PDE9A: variants seen among roughly 807,000 people sequenced by gnomAD.
PDE9A encodes the protein high affinity cGMP-specific 3',5'-cyclic phosphodiesterase 9A.
A neutral mutation model predicts 87.4 loss-of-function variants in PDE9A; 60 were observed. The ratio of observed to expected loss-of-function variants is 0.69; its 90% confidence interval spans 0.56 to 0.85. PDE9A has a LOEUF of 0.85. PDE9A is among the 40% of genes least tolerant of loss of function. The pLI, the probability that PDE9A is intolerant of heterozygous loss-of-function variation, is 0.00. For missense variants in PDE9A, 665 were observed against 779.0 expected (o/e 0.85, Z 1.74); for synonymous variants, 272 against 279.4 (o/e 0.97, Z 0.27).
At chr21:42,731,481 C>T (rs1418899946) in intron 4 of PDE9A, among the ~76,000 whole-genome samples, 1 of 152,236 alleles carries the variant, frequency 6.6e-6, no homozygotes, top group Admixed American at 6.5e-5. Flanking sequence ...AGGTATCTGG[C>T]ATTGAGCCTG....
At chr21:42,753,771 C>T (rs1189649016) in intron 9 of PDE9A, among the ~76,000 whole-genome samples, 1 of 149,202 alleles carries the variant, frequency 6.7e-6, no homozygotes, top group African/African-American at 2.5e-5. Context: ...GGCTGAGGCA[C>T]GAGAATCACT....
chr21:42,761,130 C>G (rs2269163), intron 13 of PDE9A, among the ~76,000 whole-genome samples: 59,508 of 152,110 alleles, frequency 0.39, 11,860 homozygotes, highest in South Asian at 0.63. Context: ...ACCCCAGGGG[C>G]TCTTTCCCAC....
At chr21:42,678,939 A>G (rs1438215886) in intron 1 of PDE9A, among the ~76,000 whole-genome samples, 2 of 152,232 alleles carry the variant, frequency 1.3e-5, no homozygotes, top group Non-Finnish European at 2.9e-5. Context: ...CCCGCTGATC[A>G]GAAGGATCCT....
At chr21:42,707,018 T>A (rs1383060618) in intron 4 of PDE9A, among the ~76,000 whole-genome samples, 2 of 152,040 alleles carry the variant, frequency 1.3e-5, no homozygotes, top group Non-Finnish European at 2.9e-5. Flanking sequence ...CTACGTCACG[T>A]TTGGTTGATC....
rs1011743376 is a variant in PDE9A at position 42,768,386 on chromosome 21, G to A, written c.1461+94G>A. The A allele has an allele frequency of 5.6e-5, 58 of 1,038,228 alleles. No homozygotes were observed. The Middle Eastern group carries it at 1.7e-3, about 30-fold the overall frequency. The allele number at this position is 1,038,228 out of a possible 1,614,324, so 64.3% of individuals were successfully genotyped here. Reference sequence around the variant, plus strand: ...TAAACGAGCACGCCTGGGTGGTCCCGCATATTCCCCGGGCTGCCGACAGTT... The same window carrying A: ...TAAACGAGCACGCCTGGGTGGTCCCACATATTCCCCGGGCTGCCGACAGTT... On this transcript the variant is annotated intron_variant, in intron 16 of 19. Transcript: ENST00000291539.
intron 4 of PDE9A, among the ~76,000 whole-genome samples, chr21:42,715,445 G>GTTATAGGA (rs1555919454): frequency 1.3e-5 from 2 of 151,884 alleles, no homozygotes; most frequent in Non-Finnish European, 2.9e-5. Flanking sequence ...TGGCCAACAT[G>GTTATAGGA]GTGAAACCCT....
chr21:42,762,407 A>T (rs2269169), intron 14 of PDE9A, among the ~76,000 whole-genome samples, 168 bp downstream of exon 14: 5 of 152,060 alleles, frequency 3.3e-5, no homozygotes, highest in South Asian at 2.1e-4. Context: ...CCCAGAGTGG[A>T]GCCCCAAAAA....
intron 4 of PDE9A, among the ~76,000 whole-genome samples, chr21:42,713,954 G>T (rs2049583306): frequency 1.4e-5 from 2 of 137,974 alleles, no homozygotes; most frequent in Non-Finnish European, 3.1e-5. Context: ...AGGCTGGAGT[G>T]CATGACCATG....
intron 1 of PDE9A, among the ~76,000 whole-genome samples, chr21:42,670,166 TTC>T (rs2058332685): frequency 6.9e-6 from 1 of 144,390 alleles, no homozygotes; most frequent in African/African-American, 2.6e-5. Flanking sequence ...CGCACACACA[TTC>T]ACACGCACAC....
At chr21:42,681,931 C>A (rs551284450) in intron 1 of PDE9A, among the ~76,000 whole-genome samples, 1 of 152,332 alleles carries the variant, frequency 6.6e-6, no homozygotes, top group South Asian at 2.1e-4. Context: ...ACGAGGCAGC[C>A]TAGGGGTCCT....
chr21:42,724,181 G>A (rs943538424), intron 4 of PDE9A, among the ~76,000 whole-genome samples: 10 of 152,124 alleles, frequency 6.6e-5, no homozygotes, highest in East Asian at 1.9e-4. Flanking sequence ...TGCCCGGAGC[G>A]CACCCTGTCA....
At chr21:42,740,743 GATA>G (rs1317175341) in intron 7 of PDE9A, among the ~76,000 whole-genome samples, 88 of 139,996 alleles carry the variant, frequency 6.3e-4, no homozygotes, top group African/African-American at 1.3e-3. Context: ...TAGATAGATA[GATA>G]GATAAACAGG....
intron 1 of PDE9A, among the ~76,000 whole-genome samples, chr21:42,656,154 C>A (rs1294003933): frequency 6.6e-6 from 1 of 152,218 alleles, no homozygotes; most frequent in African/African-American, 2.4e-5. Flanking sequence ...CCATCCGCCC[C>A]ATCTCCTCTC....
intron 1 of PDE9A, among the ~76,000 whole-genome samples, chr21:42,664,219 G>A (rs752971382): frequency 6.6e-6 from 1 of 152,260 alleles, no homozygotes; most frequent in African/African-American, 2.4e-5. Context: ...CCAAGAGGGA[G>A]TCTTTGTGTT....
intron 3 of PDE9A, among the ~76,000 whole-genome samples, chr21:42,691,041 T>TCACC (rs2146237303): frequency 1.4e-5 from 2 of 147,604 alleles, no homozygotes; most frequent in East Asian, 4.0e-4. Flanking sequence ...TCACCATCAC[T>TCACC]ATCCAGAGTC....
In PDE9A at chr21:42,702,733, C is replaced by T. The variant is rs2048476021; in HGVS notation, c.262+3722C>T. Among the ~76,000 whole-genome samples the T allele has an allele frequency of 6.6e-6, 1 of 152,238 alleles. No individual in the cohort carries two copies. The highest frequency in any genetic ancestry group is 1.5e-5 in the Non-Finnish European group (1 of 68,042). On this transcript the variant is annotated intron_variant, in intron 4 of 19. Transcript: ENST00000291539. The surrounding 1 kb of genome is among the most constrained non-coding windows in gnomAD (Gnocchi z 4.9). ...GCTCAGTCCTACTAAGACTTGATCC[C>T]TTTGGGGTCTCCCCCAAACTCCTGG...
intron 1 of PDE9A, among the ~76,000 whole-genome samples, chr21:42,680,753 G>A (rs2059125004): frequency 1.3e-5 from 2 of 152,272 alleles, no homozygotes; most frequent in South Asian, 4.1e-4. Context: ...TGAACCCACC[G>A]CTTGCGGACC....
chr21:42,660,797 T>G lies in PDE9A; in HGVS notation c.69+6914T>G, dbSNP rs1601867671. Among the ~76,000 whole-genome samples the G allele has an allele frequency of 6.6e-6, 1 of 152,042 alleles. No individual in the cohort carries two copies. Among genetic ancestry groups the G allele is most frequent in the East Asian group, 1.9e-4 (1 of 5,146 alleles). On this transcript the variant is annotated intron_variant, in intron 1 of 19. Coordinates refer to ENST00000291539, the MANE Select transcript of PDE9A (RefSeq NM_002606.3). This position sits in a 1 kb window ranked among gnomAD's most constrained non-coding sequence, Gnocchi z 4.7. The stretch of plus-strand genomic sequence containing the variant: ...GCCACCCAGGGGTGGCTCCCAACAT[T>G]TTCAAGCTCAAAAAGAAATATTTTC...
At chr21:42,758,079 G>A (rs1254500381) in intron 10 of PDE9A, 2 of 152,306 alleles carry the variant, frequency 1.3e-5, no homozygotes, top group African/African-American at 4.8e-5. Context: ...GCCCTGGGTG[G>A]AGGACACCTA....
Sources: gnomAD v4.1 joint callset for allele counts (sites outside exome capture counted in the v4.1 genomes callset) on GRCh38, gnomAD v4.1.1 for gene constraint, Gnocchi (gnomAD v3.1) non-coding constraint, MANE v1.5 for transcripts, NCBI Gene and HGNC (gene_info 2026-07-23, HGNC 2026-07-21) for gene names.